Variants in KSR2 observed in about 807,000 individuals in gnomAD.
The protein encoded by KSR2 is kinase suppressor of ras 2.
Under a neutral mutation model 107.8 loss-of-function variants are expected in KSR2, and 25 were observed. The observed-to-expected ratio is 0.23, with a 90% CI of 0.17 to 0.32. The LOEUF (loss-of-function observed/expected upper bound fraction) is 0.32, where lower values mean the gene tolerates loss of function less well. KSR2 is among the 10% of genes least tolerant of loss of function. The pLI is 1.00. For missense variants in KSR2, 887 were observed against 1,268.9 expected, an observed-to-expected ratio of 0.70 and a Z score of 4.57; for synonymous variants, 480 against 507.0, an observed-to-expected ratio of 0.95 and a Z score of 0.71.
chr12:117,705,391 G>A (rs1347311669), intron 4 of KSR2, among the ~76,000 whole-genome samples: 1 of 152,178 alleles, frequency 6.6e-6, no homozygotes, highest in African/African-American at 2.4e-5. Context: ...GGCCTATTAG[G>A]AGCCTGGAAT....
chr12:117,789,283 T>G (rs554582375), intron 3 of KSR2, among the ~76,000 whole-genome samples: 60 of 152,348 alleles, frequency 3.9e-4, no homozygotes, highest in African/African-American at 1.4e-3. Context: ...AGATACAGTC[T>G]GCAAAGCCCT....
At chr12:117,634,605 G>A (rs996802621) in intron 5 of KSR2, among the ~76,000 whole-genome samples, 9 of 152,160 alleles carry the variant, frequency 5.9e-5, no homozygotes, top group African/African-American at 1.7e-4. Flanking sequence ...TTGCCCTCTC[G>A]GGTGACACTC....
intron 2 of KSR2, 40 bp downstream of exon 2, chr12:117,860,251 G>A (rs754526051): frequency 6.3e-7 from 1 of 1,587,596 alleles, no homozygotes; most frequent in East Asian, 2.3e-5. Context: ...GTAGCTGCTG[G>A]CCAGTAAGGG....
chr12:117,872,529 C>T (rs1020989656), intron 1 of KSR2, among the ~76,000 whole-genome samples: 2 of 150,966 alleles, frequency 1.3e-5, no homozygotes, highest in African/African-American at 4.9e-5. Flanking sequence ...CACACCACTG[C>T]AGTCCCACAG....
chr12:117,809,150 T>C (rs552770113), intron 3 of KSR2, among the ~76,000 whole-genome samples: 4 of 152,314 alleles, frequency 2.6e-5, no homozygotes, highest in Non-Finnish European at 4.4e-5. Flanking sequence ...ACTGAGACTT[T>C]AAGGTTTATC....
intron 1 of KSR2, among the ~76,000 whole-genome samples, chr12:117,919,805 T>C (rs1213857988): frequency 6.6e-6 from 1 of 152,228 alleles, no homozygotes; most frequent in African/African-American, 2.4e-5. Flanking sequence ...CTCTATTAGC[T>C]TAAGCCCATG....
At chr12:117,629,258 T>C (rs1409706766) in intron 5 of KSR2, among the ~76,000 whole-genome samples, 1 of 152,198 alleles carries the variant, frequency 6.6e-6, no homozygotes, top group Non-Finnish European at 1.5e-5. Context: ...CATTTGGAAA[T>C]GTAGAAATCA....
At chr12:117,857,041 G>A (rs972066144) in intron 2 of KSR2, among the ~76,000 whole-genome samples, 7 of 151,980 alleles carry the variant, frequency 4.6e-5, no homozygotes, top group African/African-American at 1.7e-4. Context: ...TGATGACCAC[G>A]GATCTGTTTA....
At chr12:117,853,167 G>A (rs559325263) in intron 3 of KSR2, among the ~76,000 whole-genome samples, 7 of 152,208 alleles carry the variant, frequency 4.6e-5, no homozygotes, top group Admixed American at 2.0e-4. Context: ...AAATAGCCAC[G>A]GGGGTCCCCA....
At chr12:117,774,779 C>T (rs559705674) in intron 3 of KSR2, among the ~76,000 whole-genome samples, 20 of 152,282 alleles carry the variant, frequency 1.3e-4, no homozygotes, top group African/African-American at 4.3e-4. Context: ...ACTATCATTA[C>T]ACCCAAAAGA....
chr12:117,872,180 T>C (rs67602462), intron 1 of KSR2, among the ~76,000 whole-genome samples: 37,238 of 152,162 alleles, frequency 0.24, 4,653 homozygotes, highest in Admixed American at 0.33. Flanking sequence ...CCATCTTATT[T>C]ACAAATGTGA....
At chr12:117,575,103 T>C (rs1339277408) in intron 7 of KSR2, among the ~76,000 whole-genome samples, 1 of 152,174 alleles carries the variant, frequency 6.6e-6, no homozygotes, top group Non-Finnish European at 1.5e-5. Flanking sequence ...CTTAGCATTT[T>C]GCATCATCTT....
At chr12:117,948,114 G>C (rs115061930) in intron 1 of KSR2, among the ~76,000 whole-genome samples, 1 of 152,094 alleles carries the variant, frequency 6.6e-6, no homozygotes, top group Non-Finnish European at 1.5e-5. Flanking sequence ...ACACTATTCA[G>C]TTTTTTTCTT....
chr12:117,852,415 T>A (rs550586501), intron 3 of KSR2, among the ~76,000 whole-genome samples: 29 of 151,750 alleles, frequency 1.9e-4, no homozygotes, highest in Middle Eastern at 3.4e-3. Context: ...GTGACAAGAG[T>A]AAGACTCTGT....
intron 4 of KSR2, among the ~76,000 whole-genome samples, chr12:117,704,376 A>C (rs1886439441): frequency 6.6e-6 from 1 of 152,152 alleles, no homozygotes; most frequent in East Asian, 1.9e-4. Flanking sequence ...CTGATCTCAG[A>C]GCTTACTTCT....
intron 5 of KSR2, among the ~76,000 whole-genome samples, chr12:117,628,697 G>A (rs1040835492): frequency 9.2e-5 from 14 of 152,242 alleles, no homozygotes; most frequent in African/African-American, 3.4e-4. Flanking sequence ...TGTTCTCAGA[G>A]CTCAAACGCC....
chr12:117,640,312 G>A (rs558638825), intron 5 of KSR2, among the ~76,000 whole-genome samples: 2 of 151,916 alleles, frequency 1.3e-5, no homozygotes, highest in African/African-American at 2.4e-5. Context: ...GTGCAGTGGC[G>A]CGATCTCAGC....
chr12:117,747,252 A>G (rs1888441658), intron 4 of KSR2, among the ~76,000 whole-genome samples: 1 of 152,232 alleles, frequency 6.6e-6, no homozygotes, highest in African/African-American at 2.4e-5. Flanking sequence ...CTATGCAGCC[A>G]TAAAGAAGAA....
chr12:117,499,260 G>C (rs145658047), intron 14 of KSR2, among the ~76,000 whole-genome samples: 9 of 152,342 alleles, frequency 5.9e-5, no homozygotes, highest in African/African-American at 2.2e-4. Flanking sequence ...AAAATCCAGG[G>C]AGAGGATAGC....
Sources: allele counts gnomAD v4.1 joint callset (sites outside exome capture counted in the v4.1 genomes callset), GRCh38; gene constraint gnomAD v4.1.1; transcripts MANE v1.5; gene names NCBI Gene and HGNC (gene_info 2026-07-23, HGNC 2026-07-21).